RPS24: variants seen among roughly 807,000 people sequenced by gnomAD.
RPS24 encodes ribosomal protein S24, also known as small ribosomal subunit protein eS24.
For synonymous variants in RPS24, 72 were observed against 55.6 expected (o/e 1.30, Z -1.31); for missense variants, 100 against 162.5 (o/e 0.62, Z 2.09).
In RPS24 at chr10:78,035,596, C is replaced by G. The variant is rs1434042354; in HGVS notation, c.155C>G (p.Pro52Arg). 4 of 1,613,314 alleles carry G rather than the reference C, an allele frequency of 2.5e-6. No individual in the cohort carries two copies. Among genetic ancestry groups the G allele is most frequent in the East Asian group, 2.2e-5 (1 of 44,894 alleles). Residue 52 changes from proline to arginine, a missense_variant, in exon 3 of 6, where the codon CCG becomes CGG. By Grantham distance (103) the Pro-to-Arg change is moderately radical. Transcript: ENST00000372360. Reference protein sequence around the residue: ...EKLAKMYKTTPDVIFVFGFRT... With the variant: ...EKLAKMYKTTRDVIFVFGFRT... ...CTAGCCAAAATGTACAAGACCACAC[C>G]GGATGTCATCTTTGTATTTGGATTC...
intron 4 of RPS24, among the ~76,000 whole-genome samples, chr10:78,051,027 C>T (rs1848094172): frequency 6.6e-6 from 1 of 152,126 alleles, no homozygotes; most frequent in African/African-American, 2.4e-5. Context: ...CCTGTCTCTA[C>T]TAAAAATAAA....
At chr10:78,043,367 G>A (rs1378714505), downstream of RPS24, among the ~76,000 whole-genome samples, 2 of 152,132 alleles carry the variant, frequency 1.3e-5, no homozygotes, top group Non-Finnish European at 2.9e-5. Flanking sequence ...GTGTAGAGCA[G>A]TTAAGCATCT....
chr10:78,044,865 GTTC>G (rs1848027253), downstream of RPS24, among the ~76,000 whole-genome samples: 1 of 151,610 alleles, frequency 6.6e-6, no homozygotes, highest in African/African-American at 2.4e-5. Context: ...TGGATTGTGT[GTTC>G]TTTTCACATG....
intron 4 of RPS24, chr10:78,054,474 G>A (rs755364332): frequency 3.3e-5 from 48 of 1,442,524 alleles, no homozygotes; most frequent in South Asian, 1.4e-4. Context: ...AGAACAGGGC[G>A]GCTGGAAGGC....
Position 78,040,285 on chromosome 10 carries a change from T to C in RPS24, c.*19+60T>C, listed in dbSNP as rs115588031. The C allele has an allele frequency of 2.3e-3, 3,187 of 1,412,970 alleles. 41 individuals are homozygous for C. The highest frequency in any genetic ancestry group is 0.022 in the East Asian group (958 of 43,950). The allele number at this position is 1,412,970 out of a possible 1,614,324, so 87.5% of individuals were successfully genotyped here. A position where few individuals can be genotyped will look rare whatever the true frequency, so the allele number is the denominator to read the frequency against. On this transcript the variant is annotated intron_variant, in intron 5 of 5. Coordinates refer to ENST00000372360, the MANE Select transcript of RPS24 (RefSeq NM_033022.4). ...CACTAGACTCCTTGGTGTACTGACG[T>C]AGCAATTTAAAAGCAGATCATGTGT...
intron 1 of RPS24, chr10:78,034,369 T>C (rs774806618): frequency 4.3e-5 from 9 of 211,052 alleles, no homozygotes; most frequent in Admixed American, 2.1e-4. Context: ...GCTGGATGGA[T>C]CTTCATGTTT....
intron 4 of RPS24, chr10:78,037,902 C>CTTTTTTT (rs55902139): frequency 2.9e-4 from 112 of 379,910 alleles, no homozygotes; most frequent in Admixed American, 7.0e-4. Context: ...GTTCTGTGAA[C>CTTTTTTT]TTTTTTTTTT....
At chr10:78,054,978 C>T in exon 5 of RPS24, 20 of 1,481,848 alleles carry the variant, frequency 1.3e-5, no homozygotes, top group Non-Finnish European at 1.8e-5. Flanking sequence ...CTGCTTCTCC[C>T]CACCTTCCTG....
At chr10:78,042,541 T>G (rs575764583), downstream of RPS24, among the ~76,000 whole-genome samples, 8 of 152,334 alleles carry the variant, frequency 5.3e-5, no homozygotes, top group African/African-American at 1.9e-4. Context: ...TTCAGCACAT[T>G]GTAGGCCCTC....
At chr10:78,048,472 C>G (rs894203282) in intron 4 of RPS24, among the ~76,000 whole-genome samples, 1 of 152,122 alleles carries the variant, frequency 6.6e-6, no homozygotes. Flanking sequence ...CCAGAACTGC[C>G]TTTTCAGAGC....
chr10:78,053,537 C>T (rs893465257), intron 4 of RPS24, among the ~76,000 whole-genome samples: 1 of 152,190 alleles, frequency 6.6e-6, no homozygotes, highest in South Asian at 2.1e-4. Context: ...GGCATTACAT[C>T]TGTTATCCCA....
chr10:78,040,423 GTTTTA>G, intron 5 of RPS24, 187 bp from the exon 6 acceptor site: 1 of 711,380 alleles, frequency 1.4e-6, no homozygotes, highest in Non-Finnish European at 2.4e-6. Context: ...CATTATTTTT[GTTTTA>G]TTCTTAACTT....
intron 4 of RPS24, among the ~76,000 whole-genome samples, chr10:78,052,786 A>G (rs1037842341): frequency 6.6e-6 from 1 of 152,184 alleles, no homozygotes; most frequent in Non-Finnish European, 1.5e-5. Flanking sequence ...AAAGAAGGGT[A>G]ACATTTGTCC....
chr10:78,040,244 A>G lies in RPS24; in HGVS notation c.*19+19A>G, dbSNP rs527254820. On this transcript the variant is annotated intron_variant, in intron 5 of 5. Transcript: ENST00000372360. ...ATCACAGGTATAATTCAAGCTTTTC[A>G]TGTAGTCATGTAGATCACTAGACTC... The G allele has an allele frequency of 1.2e-6, 2 of 1,604,492 alleles. No homozygotes were observed. The highest frequency in any genetic ancestry group is 1.3e-5 in the African/African-American group (1 of 74,622).
Position 78,035,436 on chromosome 10 carries a change from A to G in RPS24, c.69+19A>G, listed in dbSNP as rs763841944. ...ACAAATGGTAAGGAAGGGCACATCA[A>G]TCTTTGCTTAATTGTCCTTTACTCT... On this transcript the variant is annotated intron_variant, in intron 2 of 5. Coordinates refer to ENST00000372360, the MANE Select transcript of RPS24 (RefSeq NM_033022.4). The G allele has an allele frequency of 5.0e-6, 8 of 1,613,812 alleles. No homozygotes were observed. The highest frequency in any genetic ancestry group is 2.2e-5 in the East Asian group (1 of 44,888).
intron 4 of RPS24, among the ~76,000 whole-genome samples, chr10:78,053,186 CAAAA>C (rs57899265): frequency 4.4e-4 from 62 of 140,998 alleles, no homozygotes; most frequent in African/African-American, 1.6e-3. Flanking sequence ...ACAACAACAA[CAAAA>C]AAAAAAAAAG....
At chr10:78,053,249 G>C (rs1401421320) in intron 4 of RPS24, among the ~76,000 whole-genome samples, 7 of 152,156 alleles carry the variant, frequency 4.6e-5, no homozygotes, top group African/African-American at 1.7e-4. Context: ...CCCCTGGGAA[G>C]CAGCAAGCTT....
intron 4 of RPS24, among the ~76,000 whole-genome samples, chr10:78,046,347 T>C (rs1455416980): frequency 1.0e-5 from 1 of 97,860 alleles, no homozygotes; most frequent in Non-Finnish European, 1.8e-5. Flanking sequence ...CTCATTTACC[T>C]TTTTTTTTTT....
At chr10:78,040,533 G>T (rs1361491491) in intron 5 of RPS24, 82 bp from the exon 6 acceptor site, 25 of 966,534 alleles carry the variant, frequency 2.6e-5, no homozygotes, top group Non-Finnish European at 4.1e-5. Context: ...TGTTGTGCAT[G>T]AGTGTTACTA....
Sources: allele counts gnomAD v4.1 joint callset (sites outside exome capture counted in the v4.1 genomes callset), GRCh38; gene constraint gnomAD v4.1.1; transcripts MANE v1.5; gene names NCBI Gene and HGNC (gene_info 2026-07-23, HGNC 2026-07-21).